Variants in PHF21B observed in about 807,000 individuals in gnomAD.
PHF21B encodes PHD finger protein 21B, also known as PHD finger protein 4.
In PHF21B, 22 loss-of-function variants were observed where a neutral mutation model predicts 62.2. That is an observed-to-expected ratio of 0.35 (90% confidence interval 0.25 to 0.51). PHF21B has a LOEUF of 0.51. Among genes scored for constraint, PHF21B ranks in the 20% least tolerant of loss-of-function variants. PHF21B has a pLI of 0.97. For synonymous variants in PHF21B, 341 were observed against 314.7 expected, an observed-to-expected ratio of 1.08 and a Z score of -0.88; for missense variants, 701 against 707.9, an observed-to-expected ratio of 0.99 and a Z score of 0.11.
At position 45,009,641 on chromosome 22, in the gene PHF21B, A is replaced by C; in HGVS notation, c.-92T>G. 1 of 1,293,178 alleles carries C rather than the reference A, an allele frequency of 7.7e-7. No homozygotes were observed. The highest frequency in any genetic ancestry group is 1.0e-6 in the Non-Finnish European group (1 of 988,474). The allele number at this position is 1,293,178 out of a possible 1,614,324, so 80.1% of individuals were successfully genotyped here. ...CGGGGGCCAGAGCGGGCGCGGGCGG[A>C]CGCGGCCTCCGGGCTGGGTTGGGGG... is the stretch of plus-strand genomic sequence containing the variant. On this transcript the variant is annotated 5_prime_UTR_variant, in exon 1 of 13. Coordinates refer to ENST00000313237, the MANE Select transcript of PHF21B (RefSeq NM_138415.5). The surrounding 1 kb of genome is among the most constrained non-coding windows in gnomAD (Gnocchi z 5.9).
chr22:44,959,404 C>T (rs2072372163), intron 2 of PHF21B, among the ~76,000 whole-genome samples: 1 of 152,154 alleles, frequency 6.6e-6, no homozygotes, highest in South Asian at 2.1e-4. Context: ...GCTGTCTGTC[C>T]CCTGCCTGGG....
At chr22:44,919,036 C>T (rs1455891327) in intron 3 of PHF21B, among the ~76,000 whole-genome samples, 1 of 152,172 alleles carries the variant, frequency 6.6e-6, no homozygotes, top group African/African-American at 2.4e-5. Context: ...CGTTTCTCAC[C>T]CTGCACCCTC....
At chr22:44,901,291 TG>T (rs1348432184) in intron 5 of PHF21B, among the ~76,000 whole-genome samples, 1 of 152,228 alleles carries the variant, frequency 6.6e-6, no homozygotes, top group Non-Finnish European at 1.5e-5. Context: ...AAGGCTGGGC[TG>T]GGAGAACACT....
chr22:45,006,738 T>TTC (rs914736903), intron 2 of PHF21B, among the ~76,000 whole-genome samples: 1 of 152,124 alleles, frequency 6.6e-6, no homozygotes, highest in Non-Finnish European at 1.5e-5. Flanking sequence ...TTTTTTCTTC[T>TTC]TCTCTCTCTC....
intron 2 of PHF21B, among the ~76,000 whole-genome samples, chr22:44,947,521 C>T (rs1398814640): frequency 6.6e-6 from 1 of 152,228 alleles, no homozygotes; most frequent in Non-Finnish European, 1.5e-5. Flanking sequence ...TCTGGGCCCT[C>T]CAGGTGTGCT....
intron 5 of PHF21B, among the ~76,000 whole-genome samples, chr22:44,905,331 G>A (rs1341655178): frequency 6.6e-6 from 1 of 152,174 alleles, no homozygotes; most frequent in Non-Finnish European, 1.5e-5. Context: ...CTTTTCAAAT[G>A]TCATCTCATC....
At position 44,885,834 on chromosome 22, in the gene PHF21B, C is replaced by A; in HGVS notation, c.1273+29G>T. ...GGTGGGGGAGGAGGGGGAGCAGGTA[C>A]CCTTTTCCACTCCCCAGGGATGCCT... On this transcript the variant is annotated intron_variant, in intron 11 of 12. Coordinates refer to ENST00000313237, the MANE Select transcript of PHF21B (RefSeq NM_138415.5). 3 of 1,607,596 alleles carry A rather than the reference C, an allele frequency of 1.9e-6. No homozygotes were observed. In the South Asian group the frequency reaches 3.3e-5, roughly 18 times the overall value.
At chr22:44,983,615 T>G (rs1459068708) in intron 2 of PHF21B, among the ~76,000 whole-genome samples, 3 of 152,236 alleles carry the variant, frequency 2.0e-5, no homozygotes, top group Non-Finnish European at 4.4e-5. Flanking sequence ...TTTTTGTATT[T>G]TTTAAAAGTA....
At chr22:45,002,887 G>C (rs1453159271) in intron 2 of PHF21B, 3 of 152,192 alleles carry the variant, frequency 2.0e-5, no homozygotes, top group Non-Finnish European at 4.4e-5. Flanking sequence ...GTTTCTCTGG[G>C]GCCATTTTCC....
chr22:44,896,528 G>A (rs1054019423), intron 5 of PHF21B, among the ~76,000 whole-genome samples: 1 of 152,224 alleles, frequency 6.6e-6, no homozygotes, highest in African/African-American at 2.4e-5. Flanking sequence ...AAGAGCTAAG[G>A]TGCACACAGC....
chr22:44,987,224 A>G (rs941158840), intron 2 of PHF21B, among the ~76,000 whole-genome samples: 5 of 152,170 alleles, frequency 3.3e-5, no homozygotes, highest in African/African-American at 1.2e-4. Context: ...GTGAATGAAT[A>G]GTGGCAGAGG....
intron 2 of PHF21B, among the ~76,000 whole-genome samples, chr22:44,986,799 AGGTCCTGGAGTTGGG>A (rs1262630975): frequency 1.3e-5 from 2 of 151,744 alleles, no homozygotes; most frequent in Non-Finnish European, 2.9e-5. Flanking sequence ...GGGCAGGTGA[AGGTCCTGGAGTTGGG>A]GGTCCTGGAG....
At chr22:45,006,467 G>A (rs1050019962) in intron 2 of PHF21B, among the ~76,000 whole-genome samples, 7 of 152,206 alleles carry the variant, frequency 4.6e-5, no homozygotes, top group Non-Finnish European at 8.8e-5. Context: ...CGGAGTCGGA[G>A]AGCTCCTTCC....
In PHF21B at chr22:44,907,627, G is replaced by A. The variant is rs148155615; in HGVS notation, c.831+6195C>T. On this transcript the variant is annotated intron_variant, in intron 5 of 12. Transcript: ENST00000313237. The stretch of plus-strand genomic sequence containing the variant: ...AGGACAGGCCCTTCAAGGAGGTTCT[G>A]GCCTTGGTCACGGGAAGGGCGGAAC... 5.5e-3 allele frequency among the ~76,000 whole-genome samples: 833 copies of A among 152,342 alleles called. 13 individuals carry two copies. Among genetic ancestry groups the A allele is most frequent in the East Asian group, 0.041 (213 of 5,184 alleles).
At chr22:44,975,720 G>A (rs916439444) in intron 2 of PHF21B, among the ~76,000 whole-genome samples, 7 of 152,228 alleles carry the variant, frequency 4.6e-5, no homozygotes, top group Admixed American at 6.5e-5. Flanking sequence ...TAAAGAGGCT[G>A]CCCTGAGTGC....
chr22:44,932,270 G>A (rs1344465703), intron 2 of PHF21B, among the ~76,000 whole-genome samples: 1 of 152,228 alleles, frequency 6.6e-6, no homozygotes, highest in Non-Finnish European at 1.5e-5. Context: ...CCAGAGAGGA[G>A]AGGTGCTGCC....
intron 2 of PHF21B, among the ~76,000 whole-genome samples, chr22:45,007,084 G>A (rs1054835809): frequency 1.3e-5 from 2 of 151,888 alleles, no homozygotes; most frequent in South Asian, 2.1e-4. Flanking sequence ...ACTCCCGGAC[G>A]GGGGCGCGCG....
At chr22:44,997,083 C>T (rs920150722) in intron 2 of PHF21B, among the ~76,000 whole-genome samples, 20 of 152,324 alleles carry the variant, frequency 1.3e-4, no homozygotes, top group African/African-American at 4.1e-4. Context: ...CCACTGCTCA[C>T]GAGCCTGTTA....
In PHF21B at chr22:44,916,509, G is replaced by C. The variant is rs774376443; in HGVS notation, c.335C>G (p.Ala112Gly). The C allele has an allele frequency of 6.2e-7, 1 of 1,608,968 alleles. No homozygotes were observed. The highest frequency in any genetic ancestry group is 2.2e-5 in the East Asian group (1 of 44,864). Reference sequence around the variant, plus strand: ...GACAGTGTTGTTGGCGGTGGGGAGGGCTGGGCTGGGGTTCTTGACGCTGAC... The same window carrying C: ...GACAGTGTTGTTGGCGGTGGGGAGGCCTGGGCTGGGGTTCTTGACGCTGAC... ...TVVSVKNPSP[A>G]LPTANNTVSH... is the part of the protein sequence containing the mutation. Residue 112 changes from alanine to glycine, a missense_variant, in exon 4 of 13, where the codon GCC (alanine) becomes GGC (glycine). Coordinates refer to ENST00000313237, the MANE Select transcript of PHF21B (RefSeq NM_138415.5).
Sources: gnomAD v4.1 joint callset for allele counts (sites outside exome capture counted in the v4.1 genomes callset) on GRCh38, gnomAD v4.1.1 for gene constraint, Gnocchi (gnomAD v3.1) non-coding constraint, MANE v1.5 for transcripts, NCBI Gene and HGNC (gene_info 2026-07-23, HGNC 2026-07-21) for gene names.